NAALADL2: variants seen among roughly 807,000 people sequenced by gnomAD.
The protein encoded by NAALADL2 is inactive N-acetylated-alpha-linked acidic dipeptidase-like protein 2.
In NAALADL2, 76 loss-of-function variants were observed where a neutral mutation model predicts 87.2. That is an observed-to-expected ratio of 0.87 (90% CI 0.72 to 1.05). NAALADL2 has a LOEUF of 1.05. Among genes scored for constraint, NAALADL2 ranks in the 50% least tolerant of loss-of-function variants. The probability of loss-of-function intolerance (pLI) is 0.00; values close to 1 mark genes in which losing one functional copy is unlikely to be tolerated. For synonymous variants in NAALADL2, 354 were observed against 331.0 expected, an observed-to-expected ratio of 1.07 and a Z score of -0.75; for missense variants, 1,089 against 945.8, an observed-to-expected ratio of 1.15 and a Z score of -1.99.
intron 9 of NAALADL2, among the ~76,000 whole-genome samples, chr3:175,510,428 T>A (rs770953551): frequency 1.3e-5 from 2 of 152,196 alleles, no homozygotes; most frequent in Non-Finnish European, 2.9e-5. Flanking sequence ...GAATGAGACA[T>A]GTCAGTTGGC....
chr3:175,468,827 T>C (rs1436538395), intron 8 of NAALADL2, among the ~76,000 whole-genome samples: 5 of 152,070 alleles, frequency 3.3e-5, no homozygotes, highest in Admixed American at 2.0e-4. Flanking sequence ...GTTGAATCAA[T>C]GTGGGCTTGC....
At chr3:175,799,799 A>G (rs1753920792) in intron 13 of NAALADL2, among the ~76,000 whole-genome samples, 1 of 152,204 alleles carries the variant, frequency 6.6e-6, no homozygotes, top group Non-Finnish European at 1.5e-5. Context: ...ACATGTATAC[A>G]TATGTATTTA....
At chr3:174,681,986 A>G (rs75588630) in intron 2 of NAALADL2, among the ~76,000 whole-genome samples, 2,679 of 152,266 alleles carry the variant, frequency 0.018, 36 homozygotes, top group Non-Finnish European at 0.027. Context: ...CTGTGTGAAC[A>G]TAAGTGGTAG....
intron 3 of NAALADL2, among the ~76,000 whole-genome samples, chr3:174,813,461 T>C (rs1720445394): frequency 6.6e-6 from 1 of 152,170 alleles, no homozygotes; most frequent in African/African-American, 2.4e-5. Flanking sequence ...GTATTCAGTA[T>C]AGTTTTAATA....
At chr3:175,345,978 TTAATTG>T (rs1763115479) in intron 5 of NAALADL2, among the ~76,000 whole-genome samples, 1 of 152,188 alleles carries the variant, frequency 6.6e-6, no homozygotes, top group Non-Finnish European at 1.5e-5. Flanking sequence ...TGTGATTTAT[TTAATTG>T]GCAAATTTGT....
chr3:175,332,636 G>A (rs1327742179), intron 5 of NAALADL2, among the ~76,000 whole-genome samples: 1 of 152,186 alleles, frequency 6.6e-6, no homozygotes, highest in Non-Finnish European at 1.5e-5. Context: ...GTTGAGACGT[G>A]TGTTGTGCCT....
At chr3:175,355,868 C>G (rs1764302237) in intron 5 of NAALADL2, among the ~76,000 whole-genome samples, 3 of 152,052 alleles carry the variant, frequency 2.0e-5, no homozygotes, top group Non-Finnish European at 2.9e-5. Context: ...AAGTGTTACC[C>G]AATGTGGCAA....
rs766592905 is a variant in NAALADL2, at chr3:175,755,381, A to T, written c.2152A>T (p.Ser718Cys). Residue 718 changes from serine (S) to cysteine (C), a missense_variant, in exon 13 of 14, where the codon AGC (serine) becomes TGC (cysteine). Physicochemically the swap from Ser to Cys is moderately radical, Grantham distance 112 (BLOSUM62 -1). Coordinates refer to ENST00000454872, the MANE Select transcript of NAALADL2 (RefSeq NM_207015.3). ...LNDILQDMEK[S>C]FLVKQAPPGF... ...TGACATTCTCCAAGACATGGAGAAAAGCTTTCTGGTAAAGCAGGCACCACC... is the reference window on the plus strand; with the variant it reads ...TGACATTCTCCAAGACATGGAGAAATGCTTTCTGGTAAAGCAGGCACCACC... 6.2e-7 allele frequency: 1 copy of T among 1,608,268 alleles called. No individual in the cohort carries two copies. Among genetic ancestry groups the T allele is most frequent in the East Asian group, 2.2e-5 (1 of 44,766 alleles).
intron 4 of NAALADL2, 61 bp from the exon 5 acceptor site, chr3:175,324,114 G>A (rs572226055): frequency 2.9e-6 from 4 of 1,364,086 alleles, no homozygotes; most frequent in South Asian, 2.7e-5. Context: ...TGGCAAAATG[G>A]CACTATATGA....
At chr3:174,578,330 C>A (rs1202175709) in intron 2 of NAALADL2, among the ~76,000 whole-genome samples, 2 of 151,640 alleles carry the variant, frequency 1.3e-5, no homozygotes, top group East Asian at 1.9e-4. Flanking sequence ...CTAGGCATAT[C>A]GTAAGCTAAC....
chr3:174,712,827 A>G (rs940674859), intron 2 of NAALADL2, among the ~76,000 whole-genome samples: 7 of 151,672 alleles, frequency 4.6e-5, no homozygotes, highest in African/African-American at 1.5e-4. Context: ...TTATACTTTA[A>G]GTTTTAGGGT....
chr3:174,701,485 A>G (rs185417019), intron 2 of NAALADL2, among the ~76,000 whole-genome samples: 19 of 152,252 alleles, frequency 1.2e-4, no homozygotes, highest in Admixed American at 1.2e-3. Context: ...TAAACTACAC[A>G]TATTTAAATT....
chr3:175,106,915 A>AT (rs11454393), intron 2 of NAALADL2, among the ~76,000 whole-genome samples: 68,753 of 151,728 alleles, frequency 0.45, 15,716 homozygotes, highest in East Asian at 0.53. Context: ...TTTATGCAAA[A>AT]GTATCGAATC....
intron 1 of NAALADL2, among the ~76,000 whole-genome samples, chr3:174,870,685 C>G (rs994785537): frequency 2.0e-5 from 3 of 152,046 alleles, no homozygotes; most frequent in African/African-American, 7.2e-5. Flanking sequence ...TGTTTCTTGA[C>G]CACTATATTT....
chr3:174,658,479 A>G (rs1416469706), intron 2 of NAALADL2, among the ~76,000 whole-genome samples: 2 of 151,822 alleles, frequency 1.3e-5, no homozygotes, highest in East Asian at 3.9e-4. Flanking sequence ...TTTATTATTG[A>G]GTTTTTAGAA....
chr3:175,351,713 A>G (rs1221938175), intron 5 of NAALADL2, among the ~76,000 whole-genome samples: 1 of 152,072 alleles, frequency 6.6e-6, no homozygotes, highest in African/African-American at 2.4e-5. Flanking sequence ...CAGGGTATTA[A>G]TGAATCTGGT....
chr3:175,456,675 A>G (rs964949780), intron 6 of NAALADL2, among the ~76,000 whole-genome samples: 3 of 152,066 alleles, frequency 2.0e-5, no homozygotes, highest in Non-Finnish European at 4.4e-5. Flanking sequence ...GAATCATCTG[A>G]CAAACAATGA....
chr3:175,223,597 A>G (rs1050845053), intron 2 of NAALADL2, among the ~76,000 whole-genome samples: 2 of 152,292 alleles, frequency 1.3e-5, no homozygotes, highest in African/African-American at 2.4e-5. Flanking sequence ...GAAGATAGGC[A>G]TGTGAATACT....
At chr3:175,192,283 CA>C (rs1466988284) in intron 2 of NAALADL2, among the ~76,000 whole-genome samples, 40 of 152,078 alleles carry the variant, frequency 2.6e-4, no homozygotes, top group African/African-American at 9.6e-4. Flanking sequence ...TACTATTGAA[CA>C]AAACTCCACC....
Sources: allele counts gnomAD v4.1 joint callset (sites outside exome capture counted in the v4.1 genomes callset), GRCh38; gene constraint gnomAD v4.1.1; transcripts MANE v1.5; gene names NCBI Gene and HGNC (gene_info 2026-07-23, HGNC 2026-07-21).